RALA: variants seen among roughly 807,000 people sequenced by gnomAD.
The protein encoded by RALA is RAS like proto-oncogene A, also known as ras-related protein Ral-A.
In RALA, 5 loss-of-function variants were observed where a neutral mutation model predicts 24.0. The ratio of observed to expected loss-of-function variants is 0.21; its 90% CI spans 0.11 to 0.44. The LOEUF is 0.44. RALA is among the 20% of genes least tolerant of loss of function. The pLI is 0.99. For missense variants in RALA, 95 were observed against 241.2 expected, an observed-to-expected ratio of 0.39 and a Z score of 4.01; for synonymous variants, 77 against 83.8, an observed-to-expected ratio of 0.92 and a Z score of 0.44.
intron 1 of RALA, among the ~76,000 whole-genome samples, chr7:39,684,403 G>T (rs1271423665): frequency 6.6e-6 from 1 of 152,140 alleles, no homozygotes; most frequent in Non-Finnish European, 1.5e-5. Flanking sequence ...TTGCTAAATG[G>T]ACAGTAGGAT....
At chr7:39,688,789 T>G (rs1279974342) in intron 2 of RALA, among the ~76,000 whole-genome samples, 2 of 152,118 alleles carry the variant, frequency 1.3e-5, no homozygotes, top group African/African-American at 4.8e-5. Context: ...GTTCTCACAC[T>G]GCTATAAAGA....
chr7:39,661,397 A>T (rs1022402910), intron 1 of RALA, among the ~76,000 whole-genome samples: 3 of 152,266 alleles, frequency 2.0e-5, no homozygotes, highest in African/African-American at 7.2e-5. Flanking sequence ...AGACAAGGCA[A>T]GTCCCTTCAG....
In RALA at chr7:39,705,621, T is replaced by C. The variant is rs1228826580; in HGVS notation, c.499-502T>C. 3.3e-5 allele frequency among the ~76,000 whole-genome samples: 5 copies of C among 152,278 alleles called. No individual in the cohort carries two copies. In the East Asian group the frequency reaches 9.6e-4, roughly 29 times the overall value. On this transcript the variant is annotated intron_variant, in intron 4 of 4. Coordinates refer to ENST00000005257, the MANE Select transcript of RALA (RefSeq NM_005402.4). ...AGTAACAGACAAAGTTGTTTCATAG[T>C]GTCTGGTATCAAGATGATAAAGCAT...
Position 39,696,314 on chromosome 7 carries a change from A to G in RALA, c.324-371A>G, listed in dbSNP as rs113785887. ...TAATCATGAGGAAAACATCTGACAAATCCCAATTGAGAGACATTGTACAAA... is the reference window on the plus strand; with the variant it reads ...TAATCATGAGGAAAACATCTGACAAGTCCCAATTGAGAGACATTGTACAAA... On this transcript the variant is annotated intron_variant, in intron 3 of 4. Coordinates refer to ENST00000005257, the MANE Select transcript of RALA (RefSeq NM_005402.4). Among the ~76,000 whole-genome samples, 1,286 of 152,308 alleles carry G rather than the reference A, an allele frequency of 8.4e-3. 15 individuals carry two copies. The highest frequency in any genetic ancestry group is 9.8e-3 in the Non-Finnish European group (665 of 68,032).
intron 1 of RALA, among the ~76,000 whole-genome samples, chr7:39,671,643 GATGTCTGACAAC>G (rs527898449): frequency 3.9e-5 from 6 of 152,076 alleles, no homozygotes; most frequent in Non-Finnish European, 5.9e-5. Context: ...TCTGTGCTTT[GATGTCTGACAAC>G]ATGTCTGGCA....
At chr7:39,689,487 T>A (rs969211263) in intron 2 of RALA, among the ~76,000 whole-genome samples, 2 of 152,198 alleles carry the variant, frequency 1.3e-5, no homozygotes, top group Non-Finnish European at 2.9e-5. Context: ...AGGTCCCTGC[T>A]CTGAGGGGTT....
intron 1 of RALA, among the ~76,000 whole-genome samples, chr7:39,681,493 T>G (rs1213080869): frequency 1.3e-5 from 2 of 151,750 alleles, no homozygotes; most frequent in Non-Finnish European, 1.5e-5. Flanking sequence ...CTTACCTCAA[T>G]TGGTGAAATG....
rs1253979645 is a variant in RALA at position 39,705,996 on chromosome 7, G to T, written c.499-127G>T. On this transcript the variant is annotated intron_variant, in intron 4 of 4. Coordinates refer to ENST00000005257, the MANE Select transcript of RALA (RefSeq NM_005402.4). ...GCTTTAGTTTTATGCTTTCCGCTCTGTACTCCCAAACAAGAGCTCTTAAAT... is the reference window on the plus strand; with the variant it reads ...GCTTTAGTTTTATGCTTTCCGCTCTTTACTCCCAAACAAGAGCTCTTAAAT... The T allele has an allele frequency of 4.9e-6, 4 of 815,478 alleles. No individual in the cohort carries two copies. In the African/African-American group the frequency reaches 7.1e-5, roughly 14 times the overall value. The allele number at this position is 815,478 out of a possible 1,614,324, so 50.5% of individuals were successfully genotyped here. A position where few individuals can be genotyped will look rare whatever the true frequency, so the allele number is the denominator to read the frequency against.
chr7:39,626,041 C>T (rs1791479867), intron 1 of RALA, among the ~76,000 whole-genome samples: 1 of 151,856 alleles, frequency 6.6e-6, no homozygotes, highest in Admixed American at 6.5e-5. Context: ...AGGAAAAAGA[C>T]TATGATTTTG....
intron 4 of RALA, among the ~76,000 whole-genome samples, chr7:39,697,968 T>TGTGC (rs1255770817): frequency 1.4e-5 from 2 of 138,438 alleles, no homozygotes; most frequent in Non-Finnish European, 3.2e-5. Context: ...TGTGTGTGTG[T>TGTGC]GTGTGTATGT....
At chr7:39,647,991 T>G (rs967346511) in intron 1 of RALA, among the ~76,000 whole-genome samples, 1 of 152,246 alleles carries the variant, frequency 6.6e-6, no homozygotes, top group Non-Finnish European at 1.5e-5. Flanking sequence ...AGTGTCTGTT[T>G]CATTTTGTTT....
At position 39,663,629 on chromosome 7, in the gene RALA, T is replaced by A. The variant is rs997920552; in HGVS notation, c.-37-23002T>A. 8.3e-4 allele frequency among the ~76,000 whole-genome samples: 115 copies of A among 138,062 alleles called. 1 individual carries two copies. The highest frequency in any genetic ancestry group is 3.0e-4 in the Non-Finnish European group (19 of 63,714). The allele number at this position is 138,062 out of a possible 152,430, so 90.6% of individuals were successfully genotyped here. A position where few individuals can be genotyped will look rare whatever the true frequency, so the allele number is the denominator to read the frequency against. The stretch of plus-strand genomic sequence containing the variant: ...AATGAATCCAGAGTAAGGGACATTG[T>A]AAAAAAAAAAAAAAGAAAAAATATA... On this transcript the variant is annotated intron_variant, in intron 1 of 4. Transcript: ENST00000005257.
intron 1 of RALA, among the ~76,000 whole-genome samples, chr7:39,648,163 C>A (rs1791959815): frequency 6.6e-6 from 1 of 152,094 alleles, no homozygotes; most frequent in Admixed American, 6.5e-5. Flanking sequence ...TTTACAGGGG[C>A]CCAGTGGCCT....
At chr7:39,697,748 G>A (rs1440696790) in intron 4 of RALA, among the ~76,000 whole-genome samples, 2 of 152,154 alleles carry the variant, frequency 1.3e-5, no homozygotes, top group Admixed American at 1.3e-4. Context: ...CCCTGATCCA[G>A]AAAGTACTAG....
chr7:39,628,705 G>A (rs755484312), intron 1 of RALA, among the ~76,000 whole-genome samples: 5 of 152,200 alleles, frequency 3.3e-5, no homozygotes, highest in East Asian at 3.9e-4. Context: ...ACAGGCACGC[G>A]GCACCATGCC....
chr7:39,656,256 A>G (rs1204554145), intron 1 of RALA, among the ~76,000 whole-genome samples: 2 of 152,232 alleles, frequency 1.3e-5, no homozygotes, highest in African/African-American at 4.8e-5. Flanking sequence ...TATGAGATTG[A>G]CAACTCTATT....
Position 39,697,507 on chromosome 7 carries a change from T to C in RALA, c.498+648T>C, listed in dbSNP as rs535852115. ...TATCTAGAAAGACTGCTCACTGGGC[T>C]GAGGTAGCACAGAATCTTAAAGGCC... On this transcript the variant is annotated intron_variant, in intron 4 of 4. Transcript: ENST00000005257. The C allele has an allele frequency of 5.0e-4, 226 of 455,934 alleles. 2 individuals carry two copies. Among genetic ancestry groups the C allele is most frequent in the African/African-American group, 1.9e-3 (96 of 50,182 alleles). The allele number at this position is 455,934 out of a possible 1,614,324, so 28.2% of individuals were successfully genotyped here. A position where few individuals can be genotyped will look rare whatever the true frequency, so the allele number is the denominator to read the frequency against.
intron 1 of RALA, among the ~76,000 whole-genome samples, chr7:39,640,280 A>G (rs879654322): frequency 3.3e-5 from 5 of 152,060 alleles, no homozygotes; most frequent in Non-Finnish European, 5.9e-5. Flanking sequence ...CAAGGGATCC[A>G]CCCGCCTTGG....
chr7:39,655,332 C>T (rs771862172), intron 1 of RALA, among the ~76,000 whole-genome samples: 38 of 152,106 alleles, frequency 2.5e-4, no homozygotes, highest in Admixed American at 7.2e-4. Context: ...TAAAAGAGTA[C>T]ATGTTGCATA....
Sources: allele counts gnomAD v4.1 joint callset (sites outside exome capture counted in the v4.1 genomes callset), GRCh38; gene constraint gnomAD v4.1.1; transcripts MANE v1.5; gene names NCBI Gene and HGNC (gene_info 2026-07-23, HGNC 2026-07-21).